The following ADAM22 variants were observed in gnomAD, a reference collection of about 807,000 sequenced individuals.
ADAM22 encodes the protein disintegrin and metalloproteinase domain-containing protein 22.
ADAM22 carries 65 observed loss-of-function variants against 144.6 expected under a neutral mutation model. The ratio of observed to expected loss-of-function variants is 0.45; its 90% CI spans 0.37 to 0.55. The LOEUF (loss-of-function observed/expected upper bound fraction) is 0.55. Among genes scored for constraint, ADAM22 ranks in the 20% least tolerant of loss-of-function variants. The pLI, the probability that ADAM22 is intolerant of heterozygous loss-of-function variation, is 0.00. For missense variants in ADAM22, 974 were observed against 1,184.9 expected, an observed-to-expected ratio of 0.82 and a Z score of 2.61; for synonymous variants, 391 against 412.6, an observed-to-expected ratio of 0.95 and a Z score of 0.63.
chr7:88,136,162 T>A, intron 14 of ADAM22, 131 bp downstream of exon 14: 1 of 636,216 alleles, frequency 1.6e-6, no homozygotes, highest in Non-Finnish European at 2.4e-6. Context: ...CAAAATAACC[T>A]CTTATTTATA....
At chr7:88,025,880 A>T (rs373506250) in intron 3 of ADAM22, among the ~76,000 whole-genome samples, 1 of 151,936 alleles carries the variant, frequency 6.6e-6, no homozygotes, top group African/African-American at 2.4e-5. Flanking sequence ...AAATTTTAGG[A>T]TTGTTTTTAC....
At chr7:88,177,911 A>G (rs1486086732) in intron 26 of ADAM22, among the ~76,000 whole-genome samples, 1 of 152,210 alleles carries the variant, frequency 6.6e-6, no homozygotes, top group African/African-American at 2.4e-5. Context: ...AGCTTTGTTA[A>G]AAATTCTCAG....
At chr7:88,108,106 C>A in intron 4 of ADAM22, 70 bp from the exon 5 acceptor site, 2 of 1,271,482 alleles carry the variant, frequency 1.6e-6, no homozygotes, top group South Asian at 1.3e-5. Flanking sequence ...TGAGTAGAAA[C>A]CTCCTGTGAA....
chr7:88,028,394 C>A (rs896654492), intron 3 of ADAM22, among the ~76,000 whole-genome samples: 3 of 152,026 alleles, frequency 2.0e-5, no homozygotes, highest in African/African-American at 7.2e-5. Context: ...TGTTTTGTGG[C>A]CTAATATATG....
At chr7:88,054,632 G>GTGTGTGTGTGT (rs1585299810) in intron 3 of ADAM22, among the ~76,000 whole-genome samples, 2 of 141,836 alleles carry the variant, frequency 1.4e-5, no homozygotes, top group Non-Finnish European at 3.1e-5. Flanking sequence ...GTGTGTGTGT[G>GTGTGTGTGTGT]ATTCCTCTGC....
chr7:88,156,161 T>C (rs1402705702), intron 22 of ADAM22, among the ~76,000 whole-genome samples, 155 bp downstream of exon 22: 1 of 152,060 alleles, frequency 6.6e-6, no homozygotes, highest in Non-Finnish European at 1.5e-5. Context: ...AGAGAAGAGA[T>C]AAAAAGAAGA....
chr7:88,137,304 G>A (rs1024655138), intron 14 of ADAM22, among the ~76,000 whole-genome samples: 21 of 152,242 alleles, frequency 1.4e-4, no homozygotes, highest in Middle Eastern at 3.4e-3. Context: ...AGTCTCTGAT[G>A]TCTAAAGAAT....
intron 3 of ADAM22, among the ~76,000 whole-genome samples, chr7:88,017,507 T>A (rs1393130863): frequency 6.6e-6 from 1 of 152,220 alleles, no homozygotes; most frequent in Admixed American, 6.5e-5. Flanking sequence ...AGTTTTATTA[T>A]CAATTTGCTA....
At chr7:88,031,892 G>A (rs998974848) in intron 3 of ADAM22, among the ~76,000 whole-genome samples, 1 of 152,244 alleles carries the variant, frequency 6.6e-6, no homozygotes, top group Non-Finnish European at 1.5e-5. Context: ...TGCTGCTCCA[G>A]AGGGTGCAAG....
chr7:88,003,266 G>A (rs890743346), intron 3 of ADAM22, among the ~76,000 whole-genome samples: 1 of 152,146 alleles, frequency 6.6e-6, no homozygotes, highest in African/African-American at 2.4e-5. Context: ...CTTTGTTCCA[G>A]AAACTTTATA....
chr7:88,012,203 C>G (rs1795601714), intron 3 of ADAM22, among the ~76,000 whole-genome samples: 1 of 152,064 alleles, frequency 6.6e-6, no homozygotes, highest in Admixed American at 6.6e-5. Context: ...CCTTTTGATT[C>G]TTTCTTAGAA....
intron 2 of ADAM22, among the ~76,000 whole-genome samples, chr7:87,973,803 C>T (rs1410400266): frequency 6.6e-6 from 1 of 152,076 alleles, no homozygotes; most frequent in Non-Finnish European, 1.5e-5. Flanking sequence ...ATGGATGAAG[C>T]TGGAAACCAT....
At chr7:87,953,325 G>C in intron 2 of ADAM22, among the ~76,000 whole-genome samples, 1 of 151,922 alleles carries the variant, frequency 6.6e-6, no homozygotes, top group East Asian at 1.9e-4. Flanking sequence ...GTGTCCCAGA[G>C]ATTCTGGTAT....
chr7:88,015,167 GAACTT>G (rs2129461069), intron 3 of ADAM22, among the ~76,000 whole-genome samples: 1 of 152,262 alleles, frequency 6.6e-6, no homozygotes, highest in African/African-American at 2.4e-5. Flanking sequence ...ACAATGAAAA[GAACTT>G]TAACAACCAT....
intron 7 of ADAM22, among the ~76,000 whole-genome samples, chr7:88,118,401 T>C (rs1299347702): frequency 6.6e-6 from 1 of 152,142 alleles, no homozygotes; most frequent in Non-Finnish European, 1.5e-5. Context: ...AATCTTCAAA[T>C]GGGAATATAG....
At chr7:88,029,894 C>T (rs1799850034) in intron 3 of ADAM22, among the ~76,000 whole-genome samples, 2 of 151,498 alleles carry the variant, frequency 1.3e-5, no homozygotes, top group Admixed American at 1.3e-4. Context: ...CTTTTAGGAT[C>T]CTTTCTTTTT....
chr7:87,975,070 C>T (rs969478549), intron 2 of ADAM22, among the ~76,000 whole-genome samples: 5 of 152,204 alleles, frequency 3.3e-5, no homozygotes, highest in Non-Finnish European at 5.9e-5. Context: ...GTAACATGTT[C>T]GTAGGTTCTG....
intron 2 of ADAM22, among the ~76,000 whole-genome samples, chr7:87,962,546 A>G (rs188562577): frequency 5.3e-5 from 8 of 152,278 alleles, no homozygotes; most frequent in African/African-American, 1.9e-4. Flanking sequence ...TTCTGTTCAC[A>G]CTGCTTACAC....
At chr7:87,967,491 T>G (rs1474546400) in intron 2 of ADAM22, among the ~76,000 whole-genome samples, 1 of 151,900 alleles carries the variant, frequency 6.6e-6, no homozygotes, top group African/African-American at 2.4e-5. Context: ...ATTCCAATAT[T>G]TTGCTCCTTT....
Sources: allele counts gnomAD v4.1 joint callset (sites outside exome capture counted in the v4.1 genomes callset), GRCh38; gene constraint gnomAD v4.1.1; transcripts MANE v1.5; gene names NCBI Gene and HGNC (gene_info 2026-07-23, HGNC 2026-07-21).